TYW1B: variants seen among roughly 807,000 people sequenced by gnomAD.
TYW1B encodes S-adenosyl-L-methionine-dependent tRNA 4-demethylwyosine synthase TYW1B.
In TYW1B, 73 loss-of-function variants were observed where a neutral mutation model predicts 86.9. The observed-to-expected ratio is 0.84, with a 90% CI of 0.70 to 1.02. The LOEUF (loss-of-function observed/expected upper bound fraction) is 1.02. Among genes scored for constraint, TYW1B ranks in the 50% least tolerant of loss-of-function variants. TYW1B has a pLI of 0.00. For missense variants in TYW1B, 637 were observed against 827.4 expected (o/e 0.77, Z 2.82); for synonymous variants, 248 against 292.8 (o/e 0.85, Z 1.56).
chr7:72,786,850 C>A (rs184392639), intron 6 of TYW1B, among the ~76,000 whole-genome samples: 4 of 152,232 alleles, frequency 2.6e-5, no homozygotes, highest in African/African-American at 9.6e-5. Context: ...GCTGGGATTA[C>A]AGGCATGAGC....
chr7:72,577,193 CA>C (rs35445348), intron 13 of TYW1B, among the ~76,000 whole-genome samples: 1,760 of 130,634 alleles, frequency 0.013, 37 homozygotes, highest in African/African-American at 0.041. Context: ...GTTCTAGCCA[CA>C]AAAAAAAAAA....
At chr7:72,695,213 G>A (rs1554451236) in intron 10 of TYW1B, among the ~76,000 whole-genome samples, 1 of 152,136 alleles carries the variant, frequency 6.6e-6, no homozygotes, top group African/African-American at 2.4e-5. Flanking sequence ...GGTCTGTGCT[G>A]CTGGGCCACC....
At chr7:72,702,291 C>T (rs1474524290) in intron 10 of TYW1B, among the ~76,000 whole-genome samples, 8 of 152,102 alleles carry the variant, frequency 5.3e-5, no homozygotes, top group Admixed American at 2.6e-4. Context: ...ATGACAATTT[C>T]CCAGGAATGA....
At chr7:72,770,239 G>A (rs1272261126) in intron 7 of TYW1B, among the ~76,000 whole-genome samples, 1 of 151,626 alleles carries the variant, frequency 6.6e-6, no homozygotes, top group Non-Finnish European at 1.5e-5. Flanking sequence ...GACCATCCTG[G>A]CTAACATGGT....
chr7:72,785,360 AATTAT>A (rs1788110131), intron 6 of TYW1B, among the ~76,000 whole-genome samples: 1 of 147,558 alleles, frequency 6.8e-6, no homozygotes, highest in Non-Finnish European at 1.5e-5. Context: ...ATTAATATAT[AATTAT>A]ATTAAATTAA....
rs557834369 is a variant in TYW1B, at chr7:72,828,108, G to T, written c.-33C>A. ...AGAGCCGACAGGAGACTAGGATCTC[G>T]GACCTGGAGAGCCCAAAGGTTCGCA... On this transcript the variant is annotated 5_prime_UTR_variant, in exon 1 of 14. Transcript: ENST00000620995. 3 of 1,613,392 alleles carry T rather than the reference G, an allele frequency of 1.9e-6. No homozygotes were observed. The highest frequency in any genetic ancestry group is 2.5e-6 in the Non-Finnish European group (3 of 1,179,788).
At chr7:72,703,729 C>T (rs1366633557) in intron 10 of TYW1B, among the ~76,000 whole-genome samples, 8 of 151,732 alleles carry the variant, frequency 5.3e-5, no homozygotes, top group Non-Finnish European at 8.8e-5. Flanking sequence ...GTGGCGCGCG[C>T]CGGTAGTCCT....
At position 72,792,191 on chromosome 7, in the gene TYW1B, G is replaced by A. The variant is rs572752686; in HGVS notation, c.846+10209C>T. ...AAAAAATACAAACTAGTTGCGCATGGTGGCATGCACCTGTAATCCCAGCTA... is the reference window on the plus strand; with the variant it reads ...AAAAAATACAAACTAGTTGCGCATGATGGCATGCACCTGTAATCCCAGCTA... On this transcript the variant is annotated intron_variant, in intron 6 of 13. Transcript: ENST00000620995. Among the ~76,000 whole-genome samples, 5 of 152,106 alleles carry A rather than the reference G, an allele frequency of 3.3e-5. No homozygotes were observed. In the South Asian group the frequency reaches 1.0e-3, roughly 32 times the overall value.
chr7:72,781,421 T>C (rs2129572101), intron 6 of TYW1B, among the ~76,000 whole-genome samples: 1 of 152,256 alleles, frequency 6.6e-6, no homozygotes, highest in South Asian at 2.1e-4. Flanking sequence ...TCACTAATTA[T>C]ATTGCCTCAT....
chr7:72,744,722 C>G (rs1554463317), intron 7 of TYW1B, 121 bp from the exon 8 acceptor site: 1 of 1,171,830 alleles, frequency 8.5e-7, no homozygotes, highest in Non-Finnish European at 1.3e-6. Context: ...CTACTAGTAT[C>G]TGCATGACGC....
chr7:72,601,606 C>T (rs77964684), intron 13 of TYW1B, among the ~76,000 whole-genome samples: 11,156 of 151,718 alleles, frequency 0.074, 693 homozygotes, highest in East Asian at 0.32. Context: ...AAACTGGAAG[C>T]AACCAAGATG....
chr7:72,608,792 A>G (rs2129568244), intron 13 of TYW1B, among the ~76,000 whole-genome samples: 1 of 152,328 alleles, frequency 6.6e-6, no homozygotes, highest in South Asian at 2.1e-4. Flanking sequence ...TGAGAAAATT[A>G]CAGAGATAGA....
chr7:72,653,286 G>A (rs1813108014), intron 11 of TYW1B, among the ~76,000 whole-genome samples: 1 of 152,152 alleles, frequency 6.6e-6, no homozygotes, highest in South Asian at 2.1e-4. Context: ...AAGAAAAATG[G>A]AGAGAAGACA....
chr7:72,666,723 A>G (rs1428462922), intron 11 of TYW1B, among the ~76,000 whole-genome samples: 1 of 152,076 alleles, frequency 6.6e-6, no homozygotes, highest in Non-Finnish European at 1.5e-5. Context: ...CATCAACTCA[A>G]AATCTCCAGT....
intron 11 of TYW1B, among the ~76,000 whole-genome samples, chr7:72,678,182 CT>C (rs1344285254): frequency 6.6e-6 from 1 of 152,118 alleles, no homozygotes; most frequent in African/African-American, 2.4e-5. Context: ...AAGAAAATGT[CT>C]CTGCTTTCAC....
chr7:72,662,480 T>C (rs1585884987), intron 11 of TYW1B, among the ~76,000 whole-genome samples: 1 of 152,040 alleles, frequency 6.6e-6, no homozygotes, highest in South Asian at 2.1e-4. Flanking sequence ...GATAGATAAA[T>C]TTTTTTCCTT....
chr7:72,765,443 G>A (rs1787753803), intron 7 of TYW1B, among the ~76,000 whole-genome samples: 2 of 152,166 alleles, frequency 1.3e-5, no homozygotes, highest in South Asian at 2.1e-4. Flanking sequence ...TCTCCAGCTG[G>A]CTTAAAAAGC....
At chr7:72,668,679 TG>T (rs1563052913) in intron 11 of TYW1B, among the ~76,000 whole-genome samples, 1 of 152,118 alleles carries the variant, frequency 6.6e-6, no homozygotes, top group Non-Finnish European at 1.5e-5. Context: ...TAGTAATCAG[TG>T]GTGGCTCTTA....
chr7:72,660,134 C>T (rs1385545568), intron 11 of TYW1B, among the ~76,000 whole-genome samples: 3 of 152,010 alleles, frequency 2.0e-5, no homozygotes, highest in African/African-American at 7.3e-5. Flanking sequence ...CTTTAAGAGG[C>T]CAAGGTGAGA....
Sources: gnomAD v4.1 joint callset for allele counts (sites outside exome capture counted in the v4.1 genomes callset) on GRCh38, gnomAD v4.1.1 for gene constraint, MANE v1.5 for transcripts, NCBI Gene and HGNC (gene_info 2026-07-23, HGNC 2026-07-21) for gene names.